Variants in SSBP2 observed in about 807,000 individuals in gnomAD.
The protein encoded by SSBP2 is single-stranded DNA-binding protein 2.
SSBP2 carries 17 observed loss-of-function variants against 61.8 expected under a neutral mutation model. The ratio of observed to expected loss-of-function variants is 0.28; its 90% CI spans 0.19 to 0.41. SSBP2 has a LOEUF of 0.41. SSBP2 is among the 10% of genes least tolerant of loss of function. SSBP2 has a pLI of 1.00. For missense variants in SSBP2, 310 were observed against 458.7 expected (o/e 0.68, Z 2.96); for synonymous variants, 139 against 141.3 (o/e 0.98, Z 0.12).
At chr5:81,445,463 T>C (rs916725148) in intron 12 of SSBP2, among the ~76,000 whole-genome samples, 3 of 151,994 alleles carry the variant, frequency 2.0e-5, no homozygotes, top group African/African-American at 7.2e-5. Context: ...ACATGCTACC[T>C]TCATAAATTA....
chr5:81,653,107 C>T (rs932334224), intron 1 of SSBP2, among the ~76,000 whole-genome samples: 4 of 152,066 alleles, frequency 2.6e-5, no homozygotes, highest in Admixed American at 1.3e-4. Context: ...ACCCCCTCAC[C>T]CACCGACAGG....
chr5:81,512,471 G>A (rs1016951489), intron 5 of SSBP2, among the ~76,000 whole-genome samples: 2 of 152,132 alleles, frequency 1.3e-5, no homozygotes, highest in Non-Finnish European at 2.9e-5. Context: ...TTAAATGCTG[G>A]TGGTTTAATT....
intron 1 of SSBP2, among the ~76,000 whole-genome samples, chr5:81,704,665 G>A (rs899935627): frequency 3.3e-5 from 5 of 151,612 alleles, no homozygotes; most frequent in Admixed American, 6.6e-5. Flanking sequence ...GCGTAGTGGC[G>A]CGCACCTTTA....
chr5:81,722,682 G>GT (rs1554119173), intron 1 of SSBP2, among the ~76,000 whole-genome samples: 1 of 151,924 alleles, frequency 6.6e-6, no homozygotes, highest in Non-Finnish European at 1.5e-5. Flanking sequence ...TATGATGTTA[G>GT]TAAGATTAAC....
intron 6 of SSBP2, among the ~76,000 whole-genome samples, chr5:81,476,187 C>T (rs1290619197): frequency 6.6e-6 from 1 of 152,000 alleles, no homozygotes; most frequent in African/African-American, 2.4e-5. Context: ...AAGTATAATT[C>T]CCCCAATAAG....
intron 4 of SSBP2, among the ~76,000 whole-genome samples, chr5:81,516,674 T>C (rs1202005869): frequency 3.3e-5 from 5 of 152,138 alleles, no homozygotes; most frequent in Non-Finnish European, 7.4e-5. Flanking sequence ...ATAAACGCTA[T>C]AGAGGTACAC....
chr5:81,498,438 G>A (rs576967936), intron 5 of SSBP2, among the ~76,000 whole-genome samples: 73 of 152,058 alleles, frequency 4.8e-4, no homozygotes, highest in African/African-American at 1.7e-3. Context: ...TTGAAACAGT[G>A]TTGAATTCTG....
At chr5:81,590,881 A>G (rs890205633) in intron 4 of SSBP2, among the ~76,000 whole-genome samples, 1 of 152,192 alleles carries the variant, frequency 6.6e-6, no homozygotes, top group Non-Finnish European at 1.5e-5. Context: ...GTAGGAAAAC[A>G]TTCTAAACCA....
chr5:81,732,300 T>A (rs541326178), intron 1 of SSBP2, among the ~76,000 whole-genome samples: 455 of 152,292 alleles, frequency 3.0e-3, no homozygotes, highest in Non-Finnish European at 5.3e-3. Context: ...TAAATCAATA[T>A]AAACATGTAC....
intron 1 of SSBP2, among the ~76,000 whole-genome samples, chr5:81,660,121 T>C (rs1164245648): frequency 1.3e-5 from 2 of 152,034 alleles, no homozygotes; most frequent in African/African-American, 2.4e-5. Context: ...AAAAACTCCA[T>C]GACTAAAACA....
At chr5:81,723,626 T>C (rs920388699) in intron 1 of SSBP2, among the ~76,000 whole-genome samples, 3 of 152,004 alleles carry the variant, frequency 2.0e-5, no homozygotes, top group African/African-American at 7.2e-5. Flanking sequence ...CTCTGCCTCT[T>C]TAAACAAAAC....
intron 1 of SSBP2, among the ~76,000 whole-genome samples, chr5:81,741,578 G>A (rs938599968): frequency 6.6e-6 from 1 of 152,094 alleles, no homozygotes; most frequent in Non-Finnish European, 1.5e-5. Context: ...GTTAGAGAGA[G>A]GTATAAAAGC....
At chr5:81,579,894 T>C (rs145120505) in intron 4 of SSBP2, among the ~76,000 whole-genome samples, 2 of 152,286 alleles carry the variant, frequency 1.3e-5, no homozygotes, top group Non-Finnish European at 2.9e-5. Flanking sequence ...ATAGGCCTCT[T>C]TGCACCACAT....
intron 1 of SSBP2, among the ~76,000 whole-genome samples, chr5:81,699,591 A>G (rs1753823212): frequency 6.6e-6 from 1 of 152,116 alleles, no homozygotes; most frequent in African/African-American, 2.4e-5. Flanking sequence ...TCCACTTCTA[A>G]TTCTGGTTCT....
chr5:81,500,594 G>C (rs1767633365), intron 5 of SSBP2, among the ~76,000 whole-genome samples: 1 of 152,032 alleles, frequency 6.6e-6, no homozygotes, highest in South Asian at 2.1e-4. Context: ...CCGAGTAGCT[G>C]GGATTACAGG....
chr5:81,615,858 G>C (rs1218720307), intron 3 of SSBP2, among the ~76,000 whole-genome samples: 1 of 152,154 alleles, frequency 6.6e-6, no homozygotes, highest in African/African-American at 2.4e-5. Flanking sequence ...TGGAGTAGCT[G>C]TAATACTTTT....
intron 4 of SSBP2, among the ~76,000 whole-genome samples, chr5:81,584,222 G>T (rs921316084): frequency 1.5e-4 from 23 of 152,126 alleles, no homozygotes; most frequent in Non-Finnish European, 3.2e-4. Context: ...TGTTTTCCAA[G>T]AATTCATTCT....
In SSBP2 at chr5:81,518,023, C is replaced by T. The variant is rs535377821; in HGVS notation, c.283-4306G>A. 3.6e-4 allele frequency among the ~76,000 whole-genome samples: 55 copies of T among 152,126 alleles called. 1 individual carries two copies. Among genetic ancestry groups the T allele is most frequent in the South Asian group, 6.2e-4 (3 of 4,826 alleles). ...AACACAATTAGCATTTATCAAGATTCTACACACTGAATAACAATTTATTTA... is the reference window on the plus strand; with the variant it reads ...AACACAATTAGCATTTATCAAGATTTTACACACTGAATAACAATTTATTTA... On this transcript the variant is annotated intron_variant, in intron 4 of 16. Transcript: ENST00000320672.
intron 4 of SSBP2, among the ~76,000 whole-genome samples, chr5:81,536,838 G>A (rs907887583): frequency 6.6e-6 from 1 of 151,998 alleles, no homozygotes; most frequent in Admixed American, 6.6e-5. Context: ...TGGCTAACAT[G>A]GTGAAACACC....
Sources: allele counts gnomAD v4.1 joint callset (sites outside exome capture counted in the v4.1 genomes callset), GRCh38; gene constraint gnomAD v4.1.1; transcripts MANE v1.5; gene names NCBI Gene and HGNC (gene_info 2026-07-23, HGNC 2026-07-21).